GYPE: variants seen among roughly 807,000 people sequenced by gnomAD.
GYPE encodes the protein glycophorin E (MNS blood group), also known as glycophorin-E.
In GYPE, 8 loss-of-function variants were observed where a neutral mutation model predicts 11.6. The observed-to-expected ratio is 0.69, with a 90% CI of 0.41 to 1.25. The LOEUF (loss-of-function observed/expected upper bound fraction) is 1.25. Ranked by LOEUF, GYPE falls within the 50% of genes most tolerant of loss-of-function variation. The pLI, the probability that GYPE is intolerant of heterozygous loss-of-function variation, is 0.01. For synonymous variants in GYPE, 28 were observed against 29.6 expected, an observed-to-expected ratio of 0.94 and a Z score of 0.18; for missense variants, 90 against 92.8, an observed-to-expected ratio of 0.97 and a Z score of 0.12.
intron 1 of GYPE, among the ~76,000 whole-genome samples, chr4:143,901,641 G>GTT (rs33916523): frequency 1.5e-3 from 225 of 148,884 alleles, no homozygotes; most frequent in Non-Finnish European, 1.9e-3. Flanking sequence ...GAAGGATTGG[G>GTT]TTTTTTTTTT....
intron 1 of GYPE, among the ~76,000 whole-genome samples, chr4:143,892,587 C>T (rs1398964556): frequency 3.9e-5 from 6 of 152,000 alleles, no homozygotes; most frequent in Admixed American, 3.3e-4. Context: ...CATTCAGGAG[C>T]AGGTTGTTCA....
chr4:143,881,059 A>C (rs2149906787), intron 1 of GYPE, among the ~76,000 whole-genome samples: 2 of 152,168 alleles, frequency 1.3e-5, no homozygotes, highest in East Asian at 3.9e-4. Context: ...GGACAATCTT[A>C]CTTCTTCAAT....
At chr4:143,891,620 A>C (rs1353115859) in intron 1 of GYPE, among the ~76,000 whole-genome samples, 1 of 151,924 alleles carries the variant, frequency 6.6e-6, no homozygotes, top group Non-Finnish European at 1.5e-5. Flanking sequence ...GAACCACTGC[A>C]CCTGGCCTAT....
intron 1 of GYPE, among the ~76,000 whole-genome samples, chr4:143,896,120 C>G (rs1425915204): frequency 1.3e-5 from 2 of 152,100 alleles, no homozygotes; most frequent in Non-Finnish European, 2.9e-5. Flanking sequence ...GTCTAAAACA[C>G]CAAAAGCAAT....
chr4:143,879,458 G>C (rs1435559658), intron 2 of GYPE, among the ~76,000 whole-genome samples: 2 of 152,122 alleles, frequency 1.3e-5, no homozygotes, highest in Non-Finnish European at 2.9e-5. Context: ...CTTGGTTACA[G>C]TTAATGGTTG....
At chr4:143,878,654 G>A (rs542298697) in intron 2 of GYPE, 262 of 489,228 alleles carry the variant, frequency 5.4e-4, no homozygotes, top group Non-Finnish European at 9.3e-4. Context: ...TCAGGGAAAC[G>A]ATGGACAAGT....
At chr4:143,875,523 A>C in intron 3 of GYPE, 1 of 1,550,506 alleles carries the variant, frequency 6.4e-7, no homozygotes, top group Admixed American at 2.0e-5. Context: ...TGATAAAAAG[A>C]CAGAAGTTTC....
chr4:143,892,368 C>T (rs1455760981), intron 1 of GYPE, among the ~76,000 whole-genome samples: 1 of 150,394 alleles, frequency 6.6e-6, no homozygotes, highest in African/African-American at 2.4e-5. Flanking sequence ...AATGTGTTTG[C>T]TCTTGCTTTT....
intron 1 of GYPE, among the ~76,000 whole-genome samples, chr4:143,901,660 G>T (rs542983938): frequency 6.6e-6 from 1 of 151,172 alleles, no homozygotes; most frequent in East Asian, 1.9e-4. Context: ...TTGAGCAAAA[G>T]ATATTACATT....
intron 1 of GYPE, among the ~76,000 whole-genome samples, chr4:143,894,332 G>T (rs1744540726): frequency 6.6e-6 from 1 of 152,168 alleles, no homozygotes; most frequent in Non-Finnish European, 1.5e-5. Context: ...TATCCGTCCA[G>T]CTTTGTTCCG....
At chr4:143,898,001 G>A (rs1053254926) in intron 1 of GYPE, among the ~76,000 whole-genome samples, 6 of 152,292 alleles carry the variant, frequency 3.9e-5, no homozygotes, top group South Asian at 2.1e-4. Flanking sequence ...GAAATAAGAT[G>A]CTAAATGTCA....
intron 1 of GYPE, among the ~76,000 whole-genome samples, chr4:143,893,401 A>C (rs1744491489): frequency 6.8e-6 from 1 of 147,188 alleles, no homozygotes; most frequent in Non-Finnish European, 1.5e-5. Context: ...GTTTCTTCCT[A>C]ATCTCGATGG....
At chr4:143,877,025 T>C (rs1381520299) in intron 2 of GYPE, among the ~76,000 whole-genome samples, 170 bp from the exon 3 acceptor site, 2 of 152,208 alleles carry the variant, frequency 1.3e-5, no homozygotes, top group African/African-American at 4.8e-5. Context: ...TGCTTTACAG[T>C]AACCTTGTGG....
intron 3 of GYPE, 45 bp from the exon 4 acceptor site, chr4:143,872,297 A>G (rs1743644510): frequency 6.6e-6 from 1 of 152,606 alleles, no homozygotes; most frequent in African/African-American, 2.4e-5. Context: ...TACATATAAG[A>G]TTGATGTTTT....
At chr4:143,876,489 A>T (rs1743812572) in intron 3 of GYPE, among the ~76,000 whole-genome samples, 1 of 152,192 alleles carries the variant, frequency 6.6e-6, no homozygotes, top group Non-Finnish European at 1.5e-5. Context: ...ATGTGAAAGC[A>T]AGTTAGACAA....
chr4:143,885,259 A>T (rs1242735679), intron 1 of GYPE, among the ~76,000 whole-genome samples: 1 of 152,160 alleles, frequency 6.6e-6, no homozygotes, highest in Non-Finnish European at 1.5e-5. Flanking sequence ...TTAATTTTAA[A>T]TGAAGTCAGA....
At chr4:143,874,408 T>A (rs1743720832) in intron 3 of GYPE, among the ~76,000 whole-genome samples, 1 of 152,210 alleles carries the variant, frequency 6.6e-6, no homozygotes. Flanking sequence ...TATCATGGTG[T>A]GACTGTAATG....
chr4:143,877,132 G>A (rs1472903918), intron 2 of GYPE, among the ~76,000 whole-genome samples: 2 of 152,264 alleles, frequency 1.3e-5, no homozygotes, highest in African/African-American at 2.4e-5. Context: ...CAGACCCAGC[G>A]TTCTTCACTA....
rs1743607357 is a variant in GYPE at position 143,871,145 on chromosome 4, G to A, written c.*1117C>T. The A allele has an allele frequency of 6.6e-6, 1 of 151,262 alleles. No homozygotes were observed. 9.4% of individuals were successfully genotyped at this position (151,262 alleles called of 1,614,324 possible). A position where few individuals can be genotyped will look rare whatever the true frequency, so the allele number is the denominator to read the frequency against. On this transcript the variant is annotated 3_prime_UTR_variant, in exon 4 of 4. Coordinates refer to ENST00000358615, the MANE Select transcript of GYPE (RefSeq NM_198682.3). The stretch of plus-strand genomic sequence containing the variant: ...CTCCCATGACATGTGGGGATTATTG[G>A]AACTACAATTCAAGATGAGATTTGA...
Sources: allele counts gnomAD v4.1 joint callset (sites outside exome capture counted in the v4.1 genomes callset), GRCh38; gene constraint gnomAD v4.1.1; transcripts MANE v1.5; gene names NCBI Gene and HGNC (gene_info 2026-07-23, HGNC 2026-07-21).